The following DISC1 variants were observed in gnomAD, a reference collection of about 807,000 sequenced individuals.
DISC1 encodes disrupted in schizophrenia 1 protein.
Under a neutral mutation model 84.5 loss-of-function variants are expected in DISC1, and 57 were observed. The ratio of observed to expected loss-of-function variants is 0.67; its 90% CI spans 0.55 to 0.84. The LOEUF (loss-of-function observed/expected upper bound fraction) is 0.84, where lower values mean the gene tolerates loss of function less well. DISC1 is among the 40% of genes least tolerant of loss of function. The pLI is 0.00. For synonymous variants in DISC1, 411 were observed against 415.2 expected (o/e 0.99, Z 0.12); for missense variants, 1,000 against 1,057.8 (o/e 0.95, Z 0.76).
chr1:232,025,741 C>T (rs565229313), intron 11 of DISC1, among the ~76,000 whole-genome samples: 41 of 151,892 alleles, frequency 2.7e-4, no homozygotes, highest in Non-Finnish European at 4.4e-4. Flanking sequence ...GGACTACAGG[C>T]GCCCGCCACT....
chr1:231,919,164 G>T (rs2126074795), intron 9 of DISC1, among the ~76,000 whole-genome samples: 1 of 152,278 alleles, frequency 6.6e-6, no homozygotes, highest in African/African-American at 2.4e-5. Flanking sequence ...TGTCCTCACT[G>T]ATTGATTTTT....
chr1:232,029,816 A>G (rs1404434888), intron 12 of DISC1, among the ~76,000 whole-genome samples: 1 of 152,214 alleles, frequency 6.6e-6, no homozygotes, highest in East Asian at 1.9e-4. Flanking sequence ...TGGCATCAAC[A>G]GAGGTTAGGG....
chr1:231,637,766 A>G (rs1398638170), intron 1 of DISC1, among the ~76,000 whole-genome samples: 4 of 152,186 alleles, frequency 2.6e-5, no homozygotes, highest in African/African-American at 7.2e-5. Flanking sequence ...GGTTGATTCC[A>G]TATCTTTGCT....
At chr1:231,887,014 A>G (rs2086822123) in intron 9 of DISC1, among the ~76,000 whole-genome samples, 1 of 150,682 alleles carries the variant, frequency 6.6e-6, no homozygotes, top group African/African-American at 2.4e-5. Context: ...GGTGTGCATC[A>G]CCATGCACAG....
intron 9 of DISC1, among the ~76,000 whole-genome samples, chr1:231,866,116 C>G (rs2085035923): frequency 6.6e-6 from 1 of 152,108 alleles, no homozygotes; most frequent in Admixed American, 6.5e-5. Flanking sequence ...GGCTCAGTGC[C>G]TTTCCCATAG....
chr1:232,004,075 G>T (rs981486636), intron 10 of DISC1, among the ~76,000 whole-genome samples: 1 of 151,034 alleles, frequency 6.6e-6, no homozygotes, highest in Admixed American at 6.6e-5. Flanking sequence ...ATATTACTCA[G>T]ACAAAAATTA....
intron 9 of DISC1, among the ~76,000 whole-genome samples, chr1:231,916,338 T>C (rs970943598): frequency 6.6e-6 from 1 of 152,166 alleles, no homozygotes; most frequent in African/African-American, 2.4e-5. Context: ...ATATTACACT[T>C]TTTTTCTTTC....
At chr1:231,645,405 C>G (rs892629773) in intron 1 of DISC1, among the ~76,000 whole-genome samples, 2 of 152,090 alleles carry the variant, frequency 1.3e-5, no homozygotes, top group Non-Finnish European at 2.9e-5. Context: ...TTGCACTGCC[C>G]TCTCCTCGCC....
At position 231,694,525 on chromosome 1, in the gene DISC1, A is replaced by G. The variant is rs755865070; in HGVS notation, c.767A>G (p.His256Arg). ...AAAGCTGCCAGCTTGGACGGGCCTCACGAGGACCCGCGATGTCTCTCTCGG... is the reference window on the plus strand; with the variant it reads ...AAAGCTGCCAGCTTGGACGGGCCTCGCGAGGACCCGCGATGTCTCTCTCGG... ...GAKAASLDGPHEDPRCLSRPF... is the reference protein window; with the variant it reads ...GAKAASLDGPREDPRCLSRPF... Residue 256 changes from histidine to arginine, a missense_variant, in exon 2 of 13, where the codon CAC (histidine) becomes CGC (arginine). Transcript: ENST00000439617. The G allele has an allele frequency of 1.9e-5, 30 of 1,614,122 alleles. No homozygotes were observed. In the Admixed American group the frequency reaches 4.8e-4, roughly 26 times the overall value.
At chr1:231,752,856 C>T (rs779353874) in intron 4 of DISC1, among the ~76,000 whole-genome samples, 1 of 152,240 alleles carries the variant, frequency 6.6e-6, no homozygotes, top group East Asian at 1.9e-4. Context: ...AAAGGGGCTA[C>T]AGGCCCCATG....
chr1:231,856,781 C>T (rs961976381), intron 9 of DISC1, among the ~76,000 whole-genome samples: 1 of 152,092 alleles, frequency 6.6e-6, no homozygotes, highest in Non-Finnish European at 1.5e-5. Context: ...TGGAATTACC[C>T]CAAAGGTGGT....
chr1:231,741,820 C>A (rs922826454), intron 3 of DISC1, among the ~76,000 whole-genome samples: 4 of 152,204 alleles, frequency 2.6e-5, no homozygotes, highest in Non-Finnish European at 5.9e-5. Flanking sequence ...TCCCTATGTC[C>A]GATCTGTCAG....
chr1:232,015,049 C>A (rs1200527427), intron 11 of DISC1, among the ~76,000 whole-genome samples: 1 of 152,150 alleles, frequency 6.6e-6, no homozygotes, highest in Non-Finnish European at 1.5e-5. Flanking sequence ...CTGGCCCTGG[C>A]CACTGAATTT....
intron 6 of DISC1, among the ~76,000 whole-genome samples, chr1:231,772,488 C>T (rs2076629354): frequency 6.6e-6 from 1 of 152,094 alleles, no homozygotes; most frequent in African/African-American, 2.4e-5. Flanking sequence ...GACTCTGCCA[C>T]CTGATTGTCT....
chr1:231,856,175 G>A (rs189375817), intron 9 of DISC1, among the ~76,000 whole-genome samples: 11 of 152,260 alleles, frequency 7.2e-5, no homozygotes, highest in Admixed American at 4.6e-4. Context: ...ATGAGCTCTC[G>A]GTTGGATTGC....
intron 12 of DISC1, among the ~76,000 whole-genome samples, chr1:232,033,663 A>G (rs1050441767): frequency 1.3e-5 from 2 of 151,910 alleles, no homozygotes; most frequent in South Asian, 2.1e-4. Context: ...AACACACAGT[A>G]GAAACTCAGG....
intron 9 of DISC1, among the ~76,000 whole-genome samples, chr1:231,899,351 C>T (rs2087966520): frequency 6.6e-6 from 1 of 152,140 alleles, no homozygotes; most frequent in African/African-American, 2.4e-5. Flanking sequence ...TCCCAGGAGA[C>T]ACAGATGCTG....
chr1:231,915,076 G>A (rs944362282), intron 9 of DISC1, among the ~76,000 whole-genome samples: 3 of 152,132 alleles, frequency 2.0e-5, no homozygotes, highest in Non-Finnish European at 4.4e-5. Context: ...CCAACTATGC[G>A]CCTCCAGCCA....
At chr1:231,813,422 C>T (rs900973398) in intron 8 of DISC1, 5 of 152,254 alleles carry the variant, frequency 3.3e-5, no homozygotes, top group Admixed American at 3.3e-4. Context: ...CCAACGCAGT[C>T]ACACCTCTGT....
Sources: gnomAD v4.1 joint callset for allele counts (sites outside exome capture counted in the v4.1 genomes callset) on GRCh38, gnomAD v4.1.1 for gene constraint, MANE v1.5 for transcripts, NCBI Gene and HGNC (gene_info 2026-07-23, HGNC 2026-07-21) for gene names.